Variants in TANC2 observed in about 807,000 individuals in gnomAD.
TANC2 encodes protein TANC2.
TANC2 carries 26 observed loss-of-function variants against 210.5 expected under a neutral mutation model. The observed-to-expected ratio is 0.12, with a 90% CI of 0.09 to 0.17. The LOEUF (loss-of-function observed/expected upper bound fraction) is 0.17, where lower values mean the gene tolerates loss of function less well. Among genes scored for constraint, TANC2 ranks in the 10% least tolerant of loss-of-function variants. TANC2 has a pLI of 1.00. For missense variants in TANC2, 2,129 were observed against 2,608.9 expected, an observed-to-expected ratio of 0.82 and a Z score of 4.01; for synonymous variants, 931 against 967.1, an observed-to-expected ratio of 0.96 and a Z score of 0.69.
At chr17:63,399,739 T>G (rs1444395621) in intron 19 of TANC2, among the ~76,000 whole-genome samples, 1 of 152,218 alleles carries the variant, frequency 6.6e-6, no homozygotes, top group Non-Finnish European at 1.5e-5. Flanking sequence ...GCATTTGGGT[T>G]AGGATAAGAG....
intron 4 of TANC2, among the ~76,000 whole-genome samples, chr17:63,146,277 T>C (rs1405258117): frequency 1.3e-5 from 2 of 152,142 alleles, no homozygotes; most frequent in Admixed American, 6.5e-5. Context: ...CTTTACCGAA[T>C]TTATTAGTTC....
At chr17:63,036,264 G>C (rs2034968553) in intron 2 of TANC2, among the ~76,000 whole-genome samples, 1 of 152,044 alleles carries the variant, frequency 6.6e-6, no homozygotes, top group Non-Finnish European at 1.5e-5. Flanking sequence ...TTTATATTTA[G>C]ATGTATGATT....
chr17:63,416,097 C>T (rs2048850334), intron 26 of TANC2, among the ~76,000 whole-genome samples: 1 of 152,142 alleles, frequency 6.6e-6, no homozygotes, highest in Admixed American at 6.5e-5. Flanking sequence ...GGGCTTGGAC[C>T]ATGGTCTTGA....
chr17:63,016,290 A>G (rs1308368242), intron 2 of TANC2, among the ~76,000 whole-genome samples: 1 of 152,206 alleles, frequency 6.6e-6, no homozygotes, highest in African/African-American at 2.4e-5. Flanking sequence ...TAAAAACATC[A>G]TTAAGGCTGG....
rs1192588877 is a variant in TANC2 at position 63,421,726 on chromosome 17, T to C, written c.5996T>C (p.Leu1999Pro). 6.2e-7 allele frequency: 1 copy of C among 1,614,058 alleles called. No homozygotes were observed. The highest frequency in any genetic ancestry group is 8.5e-7 in the Non-Finnish European group (1 of 1,179,912). The change falls in exon 28 of 28, where the codon CTG becomes CCG. Residue 1999 changes from leucine to proline, a missense_variant. Transcript: ENST00000689528. The surrounding 1 kb of genome is among the most constrained non-coding windows in gnomAD (Gnocchi z 6.9). Reference sequence around the variant, plus strand: ...AACAATGCACAGAATGGCCATTTGCTGGAGGACGATTATTACAGCCCCCAT... The same window carrying C: ...AACAATGCACAGAATGGCCATTTGCCGGAGGACGATTATTACAGCCCCCAT...
At chr17:63,333,836 A>AC (rs1242211851) in intron 11 of TANC2, among the ~76,000 whole-genome samples, 1 of 151,838 alleles carries the variant, frequency 6.6e-6, no homozygotes, top group Non-Finnish European at 1.5e-5. Flanking sequence ...TCGAGGGAAG[A>AC]CCCCCCTACA....
intron 11 of TANC2, chr17:63,338,992 G>A (rs2046132001): frequency 1.3e-5 from 2 of 152,296 alleles, no homozygotes; most frequent in Non-Finnish European, 2.9e-5. Context: ...TTCTCGAAGA[G>A]AGGCCTGAAG....
intron 9 of TANC2, among the ~76,000 whole-genome samples, chr17:63,295,636 C>T (rs750911614): frequency 1.1e-4 from 16 of 152,256 alleles, no homozygotes; most frequent in Non-Finnish European, 1.9e-4. Flanking sequence ...GCTGGCTTAG[C>T]CAGTCATATA....
chr17:63,061,451 C>G (rs1312171978), intron 2 of TANC2, among the ~76,000 whole-genome samples: 1 of 152,036 alleles, frequency 6.6e-6, no homozygotes, highest in Non-Finnish European at 1.5e-5. Context: ...CTTTTTAAAT[C>G]CAGTAATTTT....
In TANC2 at chr17:63,420,123, C is replaced by T; in HGVS notation, c.4393C>T (p.Pro1465Ser). 1 of 1,551,506 alleles carries T rather than the reference C, an allele frequency of 6.4e-7. No homozygotes were observed. Residue 1465 changes from proline (P) to serine (S), a missense_variant, in exon 28 of 28, where the codon CCA becomes TCA. Pro to Ser is a moderately conservative substitution (Grantham distance 74). Coordinates refer to ENST00000689528, the Ensembl canonical transcript of TANC2. The surrounding 1 kb of genome is among the most constrained non-coding windows in gnomAD (Gnocchi z 4.2). ...TAGACAGATGCAGCAGCCACAGCAGCCACCGCCGCCACCGCAGCCTCAGCA... is the reference window on the plus strand; with the variant it reads ...TAGACAGATGCAGCAGCCACAGCAGTCACCGCCGCCACCGCAGCCTCAGCA...
At chr17:63,228,048 G>A (rs1235746828) in intron 7 of TANC2, among the ~76,000 whole-genome samples, 2 of 151,630 alleles carry the variant, frequency 1.3e-5, no homozygotes, top group Admixed American at 6.6e-5. Context: ...ATTTTTAGTA[G>A]AGACGGGTTT....
intron 2 of TANC2, among the ~76,000 whole-genome samples, chr17:63,031,220 C>T (rs2034757578): frequency 6.6e-6 from 1 of 151,986 alleles, no homozygotes; most frequent in Non-Finnish European, 1.5e-5. Flanking sequence ...AATTTCTTTC[C>T]TAAATGTATA....
At chr17:63,198,781 G>T (rs1406533325) in intron 6 of TANC2, among the ~76,000 whole-genome samples, 1 of 148,488 alleles carries the variant, frequency 6.7e-6, no homozygotes, top group East Asian at 1.9e-4. Context: ...AGATTTTAAG[G>T]TTAAAAAAAA....
At chr17:63,083,903 T>C (rs372531052) in intron 3 of TANC2, among the ~76,000 whole-genome samples, 1 of 152,254 alleles carries the variant, frequency 6.6e-6, no homozygotes, top group African/African-American at 2.4e-5. Flanking sequence ...AAATATTTTA[T>C]TGAGAATTTT....
intron 14 of TANC2, among the ~76,000 whole-genome samples, chr17:63,358,313 CA>C (rs1053954748): frequency 4.0e-4 from 60 of 151,656 alleles, no homozygotes; most frequent in African/African-American, 1.3e-3. Flanking sequence ...ATCGTTGTCT[CA>C]TTGTCATAGA....
rs141977138 is a variant in TANC2, at chr17:63,280,597, T to C, written c.1159+12724T>C. ...TGATGAAAATATCTGTCTCCTAGCTTAGTCACTTTTGTTCTTGCTTTCTCC... is the reference window on the plus strand; with the variant it reads ...TGATGAAAATATCTGTCTCCTAGCTCAGTCACTTTTGTTCTTGCTTTCTCC... On this transcript the variant is annotated intron_variant, in intron 9 of 27. Coordinates refer to ENST00000689528, the Ensembl canonical transcript of TANC2. Among the ~76,000 whole-genome samples, 732 of 152,244 alleles carry C rather than the reference T, an allele frequency of 4.8e-3. 4 individuals are homozygous for C. The highest frequency in any genetic ancestry group is 7.8e-3 in the Admixed American group (119 of 15,282).
intron 3 of TANC2, chr17:63,089,267 C>T (rs1451850916): frequency 6.6e-6 from 1 of 152,220 alleles, no homozygotes; most frequent in Non-Finnish European, 1.5e-5. Context: ...TCAGCTTTGC[C>T]CCTCTGCCCA....
At chr17:63,324,836 A>C (rs1411748389) in intron 11 of TANC2, among the ~76,000 whole-genome samples, 1 of 152,186 alleles carries the variant, frequency 6.6e-6, no homozygotes, top group Non-Finnish European at 1.5e-5. Context: ...CAGCTCCTAC[A>C]CAATGCATGG....
chr17:63,075,619 G>T (rs1001996606), intron 3 of TANC2, among the ~76,000 whole-genome samples: 1 of 152,016 alleles, frequency 6.6e-6, no homozygotes, highest in Non-Finnish European at 1.5e-5. Flanking sequence ...TGCAACCTCC[G>T]CCTCCCGGGT....
Sources: gnomAD v4.1 joint callset for allele counts (sites outside exome capture counted in the v4.1 genomes callset) on GRCh38, gnomAD v4.1.1 for gene constraint, Gnocchi (gnomAD v3.1) non-coding constraint, MANE v1.5 for transcripts, NCBI Gene and HGNC (gene_info 2026-07-23, HGNC 2026-07-21) for gene names.